Variants in BSX observed in about 807,000 individuals in gnomAD.
BSX encodes the protein brain specific homeobox.
In BSX, 12 loss-of-function variants were observed where a neutral mutation model predicts 16.9. That is an observed-to-expected ratio of 0.71 (90% CI 0.46 to 1.15). The LOEUF (loss-of-function observed/expected upper bound fraction) is 1.15, where lower values mean the gene tolerates loss of function less well. BSX is among the 50% of genes most tolerant of loss of function. The pLI, the probability that BSX is intolerant of heterozygous loss-of-function variation, is 0.00. For synonymous variants in BSX, 160 were observed against 136.4 expected (o/e 1.17, Z -1.20); for missense variants, 292 against 311.8 (o/e 0.94, Z 0.48).
At position 122,979,400 on chromosome 11, in the gene BSX, T is replaced by C. The variant is rs773804908; in HGVS notation, c.320A>G (p.His107Arg). ...CGTGCGGGCTTTGCGGCGGCGGCAG[T>C]GCTTCCCCGGCAGCTCCGCGTGCTG... is the stretch of plus-strand genomic sequence containing the variant. Reference protein sequence around the residue: ...HPQHAELPGKHCRRRKARTVF... With the variant: ...HPQHAELPGKRCRRRKARTVF... Residue 107 changes from histidine to arginine, a missense_variant, in exon 2 of 3, where the codon CAC becomes CGC. By Grantham distance (29) the His-to-Arg change is conservative. Coordinates refer to ENST00000343035, the MANE Select transcript of BSX (RefSeq NM_001098169.2). 1 of 1,613,966 alleles carries C rather than the reference T, an allele frequency of 6.2e-7. No homozygotes were observed. Among genetic ancestry groups the C allele is most frequent in the Non-Finnish European group, 8.5e-7 (1 of 1,179,986 alleles).
At chr11:122,980,915 A>G (rs960052182) in intron 1 of BSX, among the ~76,000 whole-genome samples, 1 of 151,838 alleles carries the variant, frequency 6.6e-6, no homozygotes, top group Admixed American at 6.6e-5. Flanking sequence ...ATTCACTTCT[A>G]TGCCCCCAGC....
At chr11:122,979,504 G>A (rs760745555) in intron 1 of BSX, 47 bp from the exon 2 acceptor site, 9 of 1,538,318 alleles carry the variant, frequency 5.9e-6, no homozygotes, top group African/African-American at 1.4e-5. Flanking sequence ...GGTCGCCGGA[G>A]AGCAATCTCC....
chr11:122,981,484 G>T lies in BSX; in HGVS notation c.188C>A (p.Thr63Asn), dbSNP rs1332439935. The change falls in exon 1 of 3, where the codon ACC (threonine) becomes AAC (asparagine). Residue 63 changes from threonine to asparagine, a missense_variant. By Grantham distance (65) the Thr-to-Asn change is moderately conservative (BLOSUM62 0). This residue lies in a region of BSX where 176 missense variants were observed against 187.2 expected (regional missense o/e 0.94). Transcript: ENST00000343035. ...DYGYPLMPTP[T>N]LLAPHAHHPL... Reference sequence around the variant, plus strand: ...GTGATGGGCGTGAGGAGCCAAGAGGGTGGGTGTGGGCATGAGGGGGTAGCC... The same window carrying T: ...GTGATGGGCGTGAGGAGCCAAGAGGTTGGGTGTGGGCATGAGGGGGTAGCC... The T allele has an allele frequency of 1.3e-6, 2 of 1,583,354 alleles. No individual in the cohort carries two copies. Among genetic ancestry groups the T allele is most frequent in the Non-Finnish European group, 1.7e-6 (2 of 1,164,644 alleles).
rs1300680759 is a variant in BSX, at chr11:122,981,703, C to G, written c.-32G>C. On this transcript the variant is annotated 5_prime_UTR_variant, in exon 1 of 3. Transcript: ENST00000343035. ...CGGAGCACCTGCCACAGGACAAGGG[C>G]CGGGACGAAGTGGAGGACGCAGGCA... 5 of 1,556,298 alleles carry G rather than the reference C, an allele frequency of 3.2e-6. No individual in the cohort carries two copies. In the East Asian group the frequency reaches 1.2e-4, roughly 36 times the overall value.
At chr11:122,980,544 C>A (rs994617843) in intron 1 of BSX, among the ~76,000 whole-genome samples, 3 of 152,140 alleles carry the variant, frequency 2.0e-5, no homozygotes, top group Non-Finnish European at 4.4e-5. Context: ...GTTGTTGCCG[C>A]CTCTGAGCTA....
In BSX at chr11:122,977,578, C is replaced by T. The variant is rs1864510997; in HGVS notation, c.*71G>A. On this transcript the variant is annotated 3_prime_UTR_variant, in exon 3 of 3. Transcript: ENST00000343035. This position sits in a 1 kb window ranked among gnomAD's most constrained non-coding sequence, Gnocchi z 4.5. ...CCACGAGACTGGAGTCTGAGTCTTC[C>T]GGTCCAGGAGGGAACCGCGCTCGGC... 6 of 1,511,470 alleles carry T rather than the reference C, an allele frequency of 4.0e-6. No individual in the cohort carries two copies. The highest frequency in any genetic ancestry group is 4.4e-6 in the Non-Finnish European group (5 of 1,137,232). The allele number at this position is 1,511,470 out of a possible 1,614,324, so 93.6% of individuals were successfully genotyped here. A position where few individuals can be genotyped will look rare whatever the true frequency, so the allele number is the denominator to read the frequency against.
chr11:122,978,222 G>C (rs953233835), intron 2 of BSX, among the ~76,000 whole-genome samples: 6 of 152,212 alleles, frequency 3.9e-5, no homozygotes, highest in African/African-American at 1.2e-4. Context: ...CTAACCACCT[G>C]ATCCGCAAGA....
In BSX at chr11:122,981,502, G is replaced by T. The variant is rs971109678; in HGVS notation, c.170C>A (p.Pro57His). Residue 57 changes from proline (P) to histidine (H), a missense_variant, in exon 1 of 3, where the codon CCC (proline) becomes CAC (histidine). Around this residue, in one of 3 missense-constraint regions of BSX, gnomAD observed 176 missense variants for 187.2 expected, o/e 0.94. Coordinates refer to ENST00000343035, the MANE Select transcript of BSX (RefSeq NM_001098169.2). Reference protein sequence around the residue: ...SRVPLLDYGYPLMPTPTLLAP... With the variant: ...SRVPLLDYGYHLMPTPTLLAP... ...CAAGAGGGTGGGTGTGGGCATGAGG[G>T]GGTAGCCATAGTCTAGCAGAGGCAC... The T allele has an allele frequency of 1.3e-6, 2 of 1,590,450 alleles. No individual in the cohort carries two copies. The highest frequency in any genetic ancestry group is 4.5e-5 in the East Asian group (2 of 44,010).
At chr11:122,978,721 C>A (rs548147850) in intron 2 of BSX, among the ~76,000 whole-genome samples, 1 of 150,912 alleles carries the variant, frequency 6.6e-6, no homozygotes, top group African/African-American at 2.4e-5. Context: ...TCCAGAGCCC[C>A]GCTCGAGAAA....
At chr11:122,978,661 C>A (rs1435407587) in intron 2 of BSX, among the ~76,000 whole-genome samples, 1 of 152,078 alleles carries the variant, frequency 6.6e-6, no homozygotes, top group Non-Finnish European at 1.5e-5. Flanking sequence ...AATAAGAGTT[C>A]TTAACCTGGA....
In BSX at chr11:122,977,628, T is replaced by C. The variant is rs915052859; in HGVS notation, c.*21A>G. The stretch of plus-strand genomic sequence containing the variant: ...CCCCGCAGTCTCCTCCCCTGCCTAC[T>C]ACCCTCCCCAGCCTGGCGGCTCAGA... On this transcript the variant is annotated 3_prime_UTR_variant, in exon 3 of 3. Coordinates refer to ENST00000343035, the MANE Select transcript of BSX (RefSeq NM_001098169.2). The surrounding 1 kb of genome is among the most constrained non-coding windows in gnomAD (Gnocchi z 4.5). 3.7e-6 allele frequency: 6 copies of C among 1,600,354 alleles called. No individual in the cohort carries two copies. Among genetic ancestry groups the C allele is most frequent in the African/African-American group, 1.3e-5 (1 of 74,852 alleles).
In BSX at chr11:122,979,285, C is replaced by G. The variant is rs750783788; in HGVS notation, c.435G>C (p.Thr145=). 3 of 1,613,756 alleles carry G rather than the reference C, an allele frequency of 1.9e-6. No homozygotes were observed. Among genetic ancestry groups the G allele is most frequent in the Middle Eastern group, 1.6e-4 (1 of 6,062 alleles). ...CCTGCGTCTCGGACAGGCTGAGGGC[C>G]GTGGCCAGCTCCACTCGTTCTGGCG... The part of the protein sequence containing the change: ...LSTPERVELA[T]ALSLSETQVK... The change falls in exon 2 of 3, where the codon ACG becomes ACC. Residue 145 remains threonine (T), a synonymous_variant. Coordinates refer to ENST00000343035, the MANE Select transcript of BSX (RefSeq NM_001098169.2).
rs560461493 is a variant in BSX at position 122,979,394 on chromosome 11, C to G, written c.326G>C (p.Arg109Pro). The change falls in exon 2 of 3, where the codon CGC becomes CCC. Residue 109 changes from arginine to proline, a missense_variant. Coordinates refer to ENST00000343035, the MANE Select transcript of BSX (RefSeq NM_001098169.2). ...QHAELPGKHC[R>P]RRKARTVFSD... Reference sequence around the variant, plus strand: ...GAAAACCGTGCGGGCTTTGCGGCGGCGGCAGTGCTTCCCCGGCAGCTCCGC... The same window carrying G: ...GAAAACCGTGCGGGCTTTGCGGCGGGGGCAGTGCTTCCCCGGCAGCTCCGC... 4.3e-6 allele frequency: 7 copies of G among 1,613,974 alleles called. No individual in the cohort carries two copies. The highest frequency in any genetic ancestry group is 5.9e-6 in the Non-Finnish European group (7 of 1,179,986).
chr11:122,981,613 A>T lies in BSX; in HGVS notation c.59T>A (p.Phe20Tyr). Residue 20 changes from phenylalanine (F) to tyrosine (Y), a missense_variant, in exon 1 of 3, where the codon TTC becomes TAC. Around this residue, in one of 3 missense-constraint regions of BSX, gnomAD observed 176 missense variants for 187.2 expected, o/e 0.94. Transcript: ENST00000343035. ...HPASSQRPTS[F>Y]FIEDILLHKP... ...GTGCAGCAGGATGTCCTCGATGAAG[A>T]AGGATGTGGGCCTCTGAGAAGACGC... The T allele has an allele frequency of 1.3e-6, 2 of 1,599,602 alleles. No homozygotes were observed. Among genetic ancestry groups the T allele is most frequent in the Non-Finnish European group, 1.7e-6 (2 of 1,173,320 alleles).
At chr11:122,979,500 C>G (rs752856270) in intron 1 of BSX, 43 bp from the exon 2 acceptor site, 3 of 1,551,964 alleles carry the variant, frequency 1.9e-6, no homozygotes, top group South Asian at 2.3e-5. Flanking sequence ...CGTGGGTCGC[C>G]GGAGAGCAAT....
At chr11:122,978,334 C>A (rs1565347687) in intron 2 of BSX, among the ~76,000 whole-genome samples, 1 of 152,088 alleles carries the variant, frequency 6.6e-6, no homozygotes, top group Non-Finnish European at 1.5e-5. Flanking sequence ...AGAGGCGTTC[C>A]GGGTAGAGAC....
Position 122,979,309 on chromosome 11 carries a change from C to A in BSX, c.411G>T (p.Thr137=). The A allele has an allele frequency of 6.2e-7, 1 of 1,614,094 alleles. No individual in the cohort carries two copies. Among genetic ancestry groups the A allele is most frequent in the East Asian group, 2.2e-5 (1 of 44,876 alleles). The change falls in exon 2 of 3, where the codon ACG becomes ACT. Residue 137 remains threonine (T), a synonymous_variant. Transcript: ENST00000343035. ...KRFEIQRYLS[T]PERVELATAL... is the part of the protein sequence containing the mutation. ...CCGTGGCCAGCTCCACTCGTTCTGG[C>A]GTGGACAGGTAGCGCTGGATCTCGA...
chr11:122,980,121 C>A (rs922297798), intron 1 of BSX, among the ~76,000 whole-genome samples: 1 of 152,146 alleles, frequency 6.6e-6, no homozygotes, highest in African/African-American at 2.4e-5. Context: ...GACCCAGCTA[C>A]CTAATATAGT....
intron 2 of BSX, among the ~76,000 whole-genome samples, chr11:122,978,539 A>G (rs564618496): frequency 6.6e-5 from 10 of 151,984 alleles, no homozygotes; most frequent in African/African-American, 1.9e-4. Context: ...AGAAAGGGGG[A>G]AAAAATCTCC....
Sources: allele counts gnomAD v4.1 joint callset (sites outside exome capture counted in the v4.1 genomes callset), GRCh38; gene constraint gnomAD v4.1.1; regional missense constraint gnomAD v4.1.1; non-coding constraint Gnocchi (gnomAD v3.1); transcripts MANE v1.5; gene names NCBI Gene and HGNC (gene_info 2026-07-23, HGNC 2026-07-21).